PCDHGA8: variants seen among roughly 807,000 people sequenced by gnomAD.
PCDHGA8 encodes the protein protocadherin gamma-A8.
Under a neutral mutation model 59.2 loss-of-function variants are expected in PCDHGA8, and 45 were observed. That is an observed-to-expected ratio of 0.76 (90% CI 0.60 to 0.98). The LOEUF is 0.98. Among genes scored for constraint, PCDHGA8 ranks in the 50% least tolerant of loss-of-function variants. The pLI, the probability that PCDHGA8 is intolerant of heterozygous loss-of-function variation, is 0.00. For missense variants in PCDHGA8, 1,257 were observed against 1,196.2 expected, an observed-to-expected ratio of 1.05 and a Z score of -0.75; for synonymous variants, 531 against 519.0, an observed-to-expected ratio of 1.02 and a Z score of -0.32.
chr5:141,399,620 CCTCTT>C (rs1251716471), intron 1 of PCDHGA8: 1 of 1,613,940 alleles, frequency 6.2e-7, no homozygotes, highest in Non-Finnish European at 8.5e-7. Context: ...CTGGCACTGG[CCTCTT>C]ACGTGTCCAT....
chr5:141,494,678 G>A, intron 1 of PCDHGA8, 129 bp from the exon 2 acceptor site: 1 of 1,554,384 alleles, frequency 6.4e-7, no homozygotes, highest in Non-Finnish European at 8.7e-7. Flanking sequence ...GTCCACCCCT[G>A]CCCCCTCTTA....
chr5:141,505,591 G>C (rs2099846959), intron 3 of PCDHGA8, 110 bp downstream of exon 3: 2 of 1,570,280 alleles, frequency 1.3e-6, no homozygotes, highest in African/African-American at 2.7e-5. Flanking sequence ...AGTTTCTCCA[G>C]ATCTTTCGGC....
intron 1 of PCDHGA8, 123 bp downstream of exon 1, chr5:141,395,360 G>A (rs2093220996): frequency 3.9e-6 from 5 of 1,290,318 alleles, no homozygotes; most frequent in Non-Finnish European, 5.2e-6. Context: ...AGAGTTTTGG[G>A]TTTATTTTGG....
chr5:141,432,745 G>A lies in PCDHGA8; in HGVS notation c.2424+37508G>A, dbSNP rs138883931. ...TCTCCGCCACTGTCACGCTCACCGT[G>A]GCCGTGGCCGACAGCATCCCCCAAG... On this transcript the variant is annotated intron_variant, in intron 1 of 3. Coordinates refer to ENST00000398604, the MANE Select transcript of PCDHGA8 (RefSeq NM_032088.2). This position sits in a 1 kb window ranked among gnomAD's most constrained non-coding sequence, Gnocchi z 6.0. 311 of 1,614,110 alleles carry A rather than the reference G, an allele frequency of 1.9e-4. No individual in the cohort carries two copies. The African/African-American group carries it at 3.5e-3, about 18-fold the overall frequency.
chr5:141,478,903 C>T lies in PCDHGA8; in HGVS notation c.2425-15904C>T. On this transcript the variant is annotated intron_variant, in intron 1 of 3. Transcript: ENST00000398604. Reference sequence around the variant, plus strand: ...TGGTATCATTTACATTAGGAATAAGCTGCTGGATACCTCTAACCAGTGGCA... The same window carrying T: ...TGGTATCATTTACATTAGGAATAAGTTGCTGGATACCTCTAACCAGTGGCA... 4.2e-6 allele frequency: 4 copies of T among 957,824 alleles called. No homozygotes were observed. The South Asian group carries it at 7.3e-5, about 18-fold the overall frequency. 59.3% of individuals were successfully genotyped at this position (957,824 alleles called of 1,614,324 possible). A position where few individuals can be genotyped will look rare whatever the true frequency, so the allele number is the denominator to read the frequency against.
chr5:141,420,364 A>G (rs942479456), intron 1 of PCDHGA8: 8 of 1,368,440 alleles, frequency 5.8e-6, no homozygotes, highest in African/African-American at 3.0e-5. Flanking sequence ...ATTCTAGATA[A>G]CTTCTTCATA....
At chr5:141,481,462 C>T (rs1395867714) in intron 1 of PCDHGA8, among the ~76,000 whole-genome samples, 1 of 152,162 alleles carries the variant, frequency 6.6e-6, no homozygotes. Flanking sequence ...ACACTGAAAA[C>T]CATTGGATTA....
chr5:141,421,749 C>T, intron 1 of PCDHGA8: 1 of 1,613,918 alleles, frequency 6.2e-7, no homozygotes, highest in Non-Finnish European at 8.5e-7. Flanking sequence ...ACCAGCTCAG[C>T]CCTAATAATT....
chr5:141,423,170 A>T (rs755141371), intron 1 of PCDHGA8: 1 of 1,613,504 alleles, frequency 6.2e-7, no homozygotes, highest in South Asian at 1.1e-5. Flanking sequence ...GTGGCCGTCC[A>T]GGACCACGGC....
At chr5:141,423,001 G>A in intron 1 of PCDHGA8, 2 of 1,614,230 alleles carry the variant, frequency 1.2e-6, no homozygotes, top group Non-Finnish European at 1.7e-6. Flanking sequence ...GGTGACCAAG[G>A]TGGTTGCGGT....
intron 1 of PCDHGA8, chr5:141,409,987 C>T: frequency 3.1e-6 from 5 of 1,613,288 alleles, no homozygotes; most frequent in Non-Finnish European, 4.2e-6. Context: ...TAGCGGTGGA[C>T]GCCGACTCGG....
intron 1 of PCDHGA8, among the ~76,000 whole-genome samples, chr5:141,439,557 A>C (rs766239185): frequency 1.2e-4 from 19 of 152,178 alleles, no homozygotes; most frequent in Non-Finnish European, 2.2e-4. Context: ...TTCAGGCTGC[A>C]GTTCTAGAGT....
Position 141,395,239 on chromosome 5 carries a change from T to C in PCDHGA8, c.2424+2T>C. 1 of 1,589,970 alleles carries C rather than the reference T, an allele frequency of 6.3e-7. No individual in the cohort carries two copies. The highest frequency in any genetic ancestry group is 8.6e-7 in the Non-Finnish European group (1 of 1,166,806). On this transcript the variant is annotated splice_donor_variant, in intron 1 of 3. Transcript: ENST00000398604. LOFTEE classifies it high-confidence loss of function. ...AAGAATGAAGCTGATCATGGTCAGG[T>C]GAGTTTAGTTCTTTGCTTGCTTTTA...
Position 141,431,818 on chromosome 5 carries a change from C to T in PCDHGA8, c.2424+36581C>T, listed in dbSNP as rs201311339. On this transcript the variant is annotated intron_variant, in intron 1 of 3. Coordinates refer to ENST00000398604, the MANE Select transcript of PCDHGA8 (RefSeq NM_032088.2). This position sits in a 1 kb window ranked among gnomAD's most constrained non-coding sequence, Gnocchi z 4.8. ...CAGAAGTGGTCCTCACCTCTCTCGCCAGCTCGGTTCCCGAAAACTCTCCCA... is the reference window on the plus strand; with the variant it reads ...CAGAAGTGGTCCTCACCTCTCTCGCTAGCTCGGTTCCCGAAAACTCTCCCA... 130 of 1,614,122 alleles carry T rather than the reference C, an allele frequency of 8.1e-5. No homozygotes were observed. Among genetic ancestry groups the T allele is most frequent in the Non-Finnish European group, 1.0e-4 (121 of 1,180,040 alleles).
Position 141,394,580 on chromosome 5 carries a change from C to T in PCDHGA8, c.1767C>T (p.Thr589=), listed in dbSNP as rs779590383. ...PRSAERGYLV[T]KVVAVDRDSG... ...CCGCAGAGCGTGGCTACCTGGTGAC[C>T]AAGGTGGTGGCGGTGGACAGAGACT... Residue 589 remains threonine, a synonymous_variant, in exon 1 of 4, where the codon ACC becomes ACT. Transcript: ENST00000398604. The T allele has an allele frequency of 1.5e-5, 24 of 1,613,914 alleles. No individual in the cohort carries two copies. The South Asian group carries it at 2.6e-4, about 18-fold the overall frequency.
Position 141,393,684 on chromosome 5 carries a change from T to A in PCDHGA8, c.871T>A (p.Leu291Ile). 1 of 1,613,904 alleles carries A rather than the reference T, an allele frequency of 6.2e-7. No homozygotes were observed. The highest frequency in any genetic ancestry group is 8.5e-7 in the Non-Finnish European group (1 of 1,179,902). The change falls in exon 1 of 4, where the codon TTA (leucine) becomes ATA (isoleucine). Residue 291 changes from leucine to isoleucine, a missense_variant. Physicochemically the swap from Leu to Ile is conservative, Grantham distance 5. Transcript: ENST00000398604. ...GAAAATTAATGAAAAACAAACTCCG[T>A]TATTCCAGCTTAATGAAAATACTGG... Reference protein sequence around the residue: ...FRKINEKQTPLFQLNENTGEI... With the variant: ...FRKINEKQTPIFQLNENTGEI...
In PCDHGA8 at chr5:141,511,402, A is replaced by C; in HGVS notation, c.*229A>C. On this transcript the variant is annotated 3_prime_UTR_variant, in exon 4 of 4. Transcript: ENST00000398604. Reference sequence around the variant, plus strand: ...TTCCGCTGGGAACCCCCATCCAATCAACTGCTGTACCCATGGGGGTAGTGG... The same window carrying C: ...TTCCGCTGGGAACCCCCATCCAATCCACTGCTGTACCCATGGGGGTAGTGG... The C allele has an allele frequency of 1.0e-6, 1 of 969,684 alleles. No individual in the cohort carries two copies. 60.1% of individuals were successfully genotyped at this position (969,684 alleles called of 1,614,324 possible).
chr5:141,484,883 G>GCC (rs1231530221), intron 1 of PCDHGA8: 2 of 352,506 alleles, frequency 5.7e-6, no homozygotes, highest in Admixed American at 9.0e-5. Flanking sequence ...GATAGGGTGG[G>GCC]CTTTTTCCCC....
Position 141,393,620 on chromosome 5 carries a change from G to T in PCDHGA8, c.807G>T (p.Pro269=), listed in dbSNP as rs1335715353. ...TRLLTVTASD[P]DEGINGKVAY... ...TGCTTACTGTAACAGCCAGCGACCC[G>T]GATGAGGGAATCAACGGAAAAGTGG... is the stretch of plus-strand genomic sequence containing the variant. Residue 269 remains proline (P), a synonymous_variant, in exon 1 of 4, where the codon CCG becomes CCT. Transcript: ENST00000398604. The T allele has an allele frequency of 6.2e-7, 1 of 1,613,908 alleles. No homozygotes were observed. Among genetic ancestry groups the T allele is most frequent in the Non-Finnish European group, 8.5e-7 (1 of 1,179,900 alleles).
Sources: allele counts gnomAD v4.1 joint callset (sites outside exome capture counted in the v4.1 genomes callset), GRCh38; gene constraint gnomAD v4.1.1; non-coding constraint Gnocchi (gnomAD v3.1); transcripts MANE v1.5; gene names NCBI Gene and HGNC (gene_info 2026-07-23, HGNC 2026-07-21).